MACF1: variants seen among roughly 807,000 people sequenced by gnomAD.
MACF1 encodes the protein microtubule actin crosslinking factor 1.
Under a neutral mutation model 854.8 loss-of-function variants are expected in MACF1, and 193 were observed. That is an observed-to-expected ratio of 0.23 (90% CI 0.20 to 0.25). The LOEUF (loss-of-function observed/expected upper bound fraction) is 0.25, where lower values mean the gene tolerates loss of function less well. Ranked by LOEUF, MACF1 falls within the 10% of genes least tolerant of loss-of-function variation. The probability of loss-of-function intolerance (pLI) is 1.00; values close to 1 mark genes in which losing one functional copy is unlikely to be tolerated. For missense variants in MACF1, 7,722 were observed against 8,929.1 expected (o/e 0.86, Z 5.45); for synonymous variants, 3,185 against 3,226.7 (o/e 0.99, Z 0.44).
intron 60 of MACF1, among the ~76,000 whole-genome samples, chr1:39,423,127 A>G (rs1471625469): frequency 6.6e-6 from 1 of 152,190 alleles, no homozygotes; most frequent in East Asian, 1.9e-4. Flanking sequence ...ATCCTATTTC[A>G]GTGTTCATCT....
Position 39,334,137 on chromosome 1 carries a change from T to C in MACF1, c.7549T>C (p.Ser2517Pro), listed in dbSNP as rs1646772812. The change falls in exon 37 of 101, where the codon TCT (serine) becomes CCT (proline). Residue 2517 changes from serine to proline, a missense_variant. By Grantham distance (74) the Ser-to-Pro change is moderately conservative. Around this residue, in one of 15 missense-constraint regions of MACF1, gnomAD observed 1,531 missense variants for 1,601.6 expected, o/e 0.96. Coordinates refer to ENST00000564288, the MANE Select transcript of MACF1 (RefSeq NM_001394062.1). ...TCACCATATATCTGGGATGAGACTT[T>C]CTGTTGATAATGCCTTCAGACATGG... Reference protein sequence around the residue: ...IIHHISGMRLSVDNAFRHGLI... With the variant: ...IIHHISGMRLPVDNAFRHGLI... 2 of 1,614,204 alleles carry C rather than the reference T, an allele frequency of 1.2e-6. No homozygotes were observed. The highest frequency in any genetic ancestry group is 1.7e-6 in the Non-Finnish European group (2 of 1,180,034).
chr1:39,381,378 T>TTTTG (rs1553330389), intron 55 of MACF1, among the ~76,000 whole-genome samples: 65 of 102,022 alleles, frequency 6.4e-4, no homozygotes, highest in Non-Finnish European at 1.1e-3. Flanking sequence ...TTTTTTTTTT[T>TTTTG]GGGGGGGGGG....
rs1644486300 is a variant in MACF1, at chr1:39,458,453, T to A, written c.21159T>A (p.Thr7053=). 6.2e-7 allele frequency: 1 copy of A among 1,613,954 alleles called. No individual in the cohort carries two copies. The highest frequency in any genetic ancestry group is 1.3e-5 in the African/African-American group (1 of 74,910). Residue 7053 remains threonine (T), a synonymous_variant, in exon 90 of 101, where the codon ACT becomes ACA. Coordinates refer to ENST00000564288, the MANE Select transcript of MACF1 (RefSeq NM_001394062.1). The part of the protein sequence containing the change: ...KTYKRKNIEP[T]HAPFIEKSRS... ...ACAAAAGGAAAAACATAGAGCCTAC[T>A]CACGCGCCTTTCATAGAGAAATCCC...
rs763140598 is a variant in MACF1, at chr1:39,337,195, G to C, written c.10079G>C (p.Arg3360Pro). The change falls in exon 38 of 101, where the codon CGG becomes CCG. Residue 3360 changes from arginine to proline, a missense_variant. Physicochemically the swap from Arg to Pro is moderately radical, Grantham distance 103. Coordinates refer to ENST00000564288, the MANE Select transcript of MACF1 (RefSeq NM_001394062.1). ...PFRATQNVFTRQLCLEHDEKL... is the reference protein window; with the variant it reads ...PFRATQNVFTPQLCLEHDEKL... ...TTGGCTCCACAGAATGTATTTACCCGGCAACTCTGTTTAGAACATGATGAA... is the reference window on the plus strand; with the variant it reads ...TTGGCTCCACAGAATGTATTTACCCCGCAACTCTGTTTAGAACATGATGAA... 1.9e-6 allele frequency: 3 copies of C among 1,612,408 alleles called. No individual in the cohort carries two copies. The highest frequency in any genetic ancestry group is 2.7e-5 in the African/African-American group (2 of 74,822).
At chr1:39,369,594 A>T (rs1003514970) in intron 50 of MACF1, among the ~76,000 whole-genome samples, 2 of 152,226 alleles carry the variant, frequency 1.3e-5, no homozygotes, top group African/African-American at 4.8e-5. Context: ...ATCTAGAACT[A>T]ATCACCTAAC....
intron 38 of MACF1, among the ~76,000 whole-genome samples, chr1:39,340,247 G>A (rs572745664): frequency 1.6e-4 from 24 of 152,296 alleles, no homozygotes; most frequent in African/African-American, 5.8e-4. Context: ...CCAGCTGGGT[G>A]ACCTTGGACA....
Position 39,460,676 on chromosome 1 carries a change from G to A in MACF1, c.21405G>A (p.Lys7135=). Residue 7135 remains lysine, a synonymous_variant, in exon 92 of 101, where the codon AAG becomes AAA. Coordinates refer to ENST00000564288, the MANE Select transcript of MACF1 (RefSeq NM_001394062.1). This position sits in a 1 kb window ranked among gnomAD's most constrained non-coding sequence, Gnocchi z 4.1. ...TTGACTTTGATGTCTGGAGGAAAAAGTATATGCGTTGGATGAATCACAAAA... is the reference window on the plus strand; with the variant it reads ...TTGACTTTGATGTCTGGAGGAAAAAATATATGCGTTGGATGAATCACAAAA... ...ANFDFDVWRK[K]YMRWMNHKKS... The A allele has an allele frequency of 6.2e-7, 1 of 1,614,184 alleles. No individual in the cohort carries two copies. Among genetic ancestry groups the A allele is most frequent in the South Asian group, 1.1e-5 (1 of 91,088 alleles).
At position 39,485,821 on chromosome 1, in the gene MACF1, A is replaced by C. The variant is rs372785869; in HGVS notation, c.*27A>C. The C allele has an allele frequency of 8.4e-6, 13 of 1,546,850 alleles. No homozygotes were observed. The highest frequency in any genetic ancestry group is 1.4e-5 in the African/African-American group (1 of 72,844). Reference sequence around the variant, plus strand: ...ACTGTCTAAGCACCCCCAAGCCACTATCCACTTTGAATCCTGCTCCATACA... The same window carrying C: ...ACTGTCTAAGCACCCCCAAGCCACTCTCCACTTTGAATCCTGCTCCATACA... On this transcript the variant is annotated 3_prime_UTR_variant, in exon 101 of 101. Transcript: ENST00000564288.
chr1:39,084,523 G>A lies in MACF1; in HGVS notation c.220+85G>A, dbSNP rs1229089333. 6.9e-6 allele frequency: 8 copies of A among 1,161,994 alleles called. No homozygotes were observed. Among genetic ancestry groups the A allele is most frequent in the Admixed American group, 2.0e-5 (1 of 49,696 alleles). 72.0% of individuals were successfully genotyped at this position (1,161,994 alleles called of 1,614,324 possible). ...CACAGCAGCTGTGTGGGGAGCCGAG[G>A]GGTCCTCACCAGGGCCTCTGACAAA... On this transcript the variant is annotated intron_variant, in intron 2 of 93. Coordinates refer to the MACF1 transcript ENST00000361689. The surrounding 1 kb of genome is among the most constrained non-coding windows in gnomAD (Gnocchi z 5.2).
In MACF1 at chr1:39,358,781, A is replaced by C; in HGVS notation, c.12028A>C (p.Met4010Leu). 1 of 1,613,934 alleles carries C rather than the reference A, an allele frequency of 6.2e-7. No homozygotes were observed. Among genetic ancestry groups the C allele is most frequent in the Middle Eastern group, 1.7e-4 (1 of 6,060 alleles). ...CAGTGCTGACAGCCTGCAGGCCTGG[A>C]TGCAGGCTTGTGAGGCCAACGTGGA... ...QNSADSLQAW[M>L]QACEANVEKL... The change falls in exon 46 of 101, where the codon ATG (methionine) becomes CTG (leucine). Residue 4010 changes from methionine to leucine, a missense_variant. Met to Leu is a conservative substitution (Grantham distance 15). Around this residue, in one of 15 missense-constraint regions of MACF1, gnomAD observed 2,807 missense variants for 3,235.8 expected, o/e 0.87. Coordinates refer to ENST00000564288, the MANE Select transcript of MACF1 (RefSeq NM_001394062.1).
intron 1 of MACF1, among the ~76,000 whole-genome samples, chr1:39,217,775 G>A (rs1304246112): frequency 1.3e-5 from 2 of 151,870 alleles, no homozygotes; most frequent in East Asian, 3.9e-4. Context: ...TACTGGGGGT[G>A]GGGTTGGGGG....
intron 97 of MACF1, among the ~76,000 whole-genome samples, chr1:39,477,074 TATATATATATATATATACAC>T (rs1452472308): frequency 0.12 from 3,043 of 24,520 alleles, 287 homozygotes; most frequent in African/African-American, 0.31. Context: ...TATATATATA[TATATATATATATATATACAC>T]ACACACACAT....
chr1:39,148,301 T>C (rs1643507980), intron 2 of MACF1, among the ~76,000 whole-genome samples: 1 of 152,222 alleles, frequency 6.6e-6, no homozygotes, highest in South Asian at 2.1e-4. Context: ...AGTTCCTGCT[T>C]TCTCCAGATA....
chr1:39,250,199 T>A (rs1645024991), intron 3 of MACF1, 96 bp downstream of exon 3: 4 of 750,846 alleles, frequency 5.3e-6, no homozygotes, highest in Non-Finnish European at 9.1e-6. Context: ...CATCACTGTT[T>A]CATCTATTAG....
chr1:39,360,800 A>C lies in MACF1; in HGVS notation c.12252A>C (p.Ile4084=). The change falls in exon 48 of 101, where the codon ATA becomes ATC. Residue 4084 remains isoleucine (I), a synonymous_variant. Transcript: ENST00000564288. ...HRHVQETTDS[I]LSHFQSLSYS... ...CATGGCCTGATTTTTCAGATTCCAT[A>C]CTCAGCCACTTCCAAAGCCTCTCCT... The C allele has an allele frequency of 6.2e-7, 1 of 1,606,410 alleles. No homozygotes were observed. Among genetic ancestry groups the C allele is most frequent in the Non-Finnish European group, 8.5e-7 (1 of 1,175,920 alleles).
chr1:39,263,645 A>C (rs1645190735), intron 6 of MACF1, among the ~76,000 whole-genome samples: 1 of 152,034 alleles, frequency 6.6e-6, no homozygotes, highest in South Asian at 2.1e-4. Context: ...TCATTCCCAT[A>C]CATGCTTTTG....
At chr1:39,354,792 T>C (rs1647388027) in intron 44 of MACF1, among the ~76,000 whole-genome samples, 2 of 152,336 alleles carry the variant, frequency 1.3e-5, no homozygotes, top group South Asian at 4.1e-4. Flanking sequence ...CGCACACTGT[T>C]TCTTACAGGC....
At chr1:39,418,980 T>A (rs1487455797) in intron 58 of MACF1, among the ~76,000 whole-genome samples, 2 of 152,344 alleles carry the variant, frequency 1.3e-5, no homozygotes, top group Non-Finnish European at 2.9e-5. Flanking sequence ...CTAGTGTACT[T>A]CTTTGGAAAA....
intron 58 of MACF1, among the ~76,000 whole-genome samples, chr1:39,396,436 A>G (rs1642277511): frequency 6.6e-6 from 1 of 152,224 alleles, no homozygotes; most frequent in African/African-American, 2.4e-5. Flanking sequence ...AGCATTCACA[A>G]CTAAGATTTA....
Sources: gnomAD v4.1 joint callset for allele counts (sites outside exome capture counted in the v4.1 genomes callset) on GRCh38, gnomAD v4.1.1 for gene constraint, gnomAD v4.1.1 regional missense constraint, Gnocchi (gnomAD v3.1) non-coding constraint, MANE v1.5 for transcripts, NCBI Gene and HGNC (gene_info 2026-07-23, HGNC 2026-07-21) for gene names.